The following WDPCP variants were observed in gnomAD, a reference collection of about 807,000 sequenced individuals.
The protein encoded by WDPCP is WD repeat-containing and planar cell polarity effector protein fritz homolog.
Under a neutral mutation model 93.1 loss-of-function variants are expected in WDPCP, and 71 were observed. That is an observed-to-expected ratio of 0.76 (90% CI 0.63 to 0.93). WDPCP has a LOEUF of 0.93. Among genes scored for constraint, WDPCP ranks in the 40% least tolerant of loss-of-function variants. The pLI is 0.00. For missense variants in WDPCP, 844 were observed against 887.4 expected (o/e 0.95, Z 0.62); for synonymous variants, 315 against 315.0 (o/e 1.00, Z 0.00).
chr2:63,652,435 T>C (rs936012921), intron 2 of WDPCP, among the ~76,000 whole-genome samples: 6 of 152,262 alleles, frequency 3.9e-5, no homozygotes, highest in Non-Finnish European at 8.8e-5. Flanking sequence ...GGTGTGTTTT[T>C]ATTTGAGAAG....
At chr2:63,176,319 C>T (rs1187101076) in intron 14 of WDPCP, among the ~76,000 whole-genome samples, 1 of 152,050 alleles carries the variant, frequency 6.6e-6, no homozygotes, top group Non-Finnish European at 1.5e-5. Flanking sequence ...AATCATGGCT[C>T]ACTAAAGTCT....
chr2:63,590,402 G>T (rs1221962824), upstream of WDPCP: 1 of 152,000 alleles, frequency 6.6e-6, no homozygotes, highest in Non-Finnish European at 1.5e-5. Flanking sequence ...TATTTTTATA[G>T]GGACCACCGC....
intron 3 of WDPCP, among the ~76,000 whole-genome samples, chr2:63,603,652 T>C (rs1490917722): frequency 1.4e-5 from 2 of 142,824 alleles, no homozygotes; most frequent in Admixed American, 7.5e-5. Flanking sequence ...TACCAAGACA[T>C]TTCTTTTTTT....
chr2:63,653,740 G>T (rs1009360818), intron 2 of WDPCP, among the ~76,000 whole-genome samples: 1 of 152,006 alleles, frequency 6.6e-6, no homozygotes, highest in South Asian at 2.1e-4. Flanking sequence ...GCGAAACCCC[G>T]TCTCTACTAA....
At chr2:63,302,409 A>G (rs1475284093) in intron 13 of WDPCP, among the ~76,000 whole-genome samples, 1 of 152,230 alleles carries the variant, frequency 6.6e-6, no homozygotes, top group East Asian at 1.9e-4. Context: ...ATCTTAATTG[A>G]AACTACCAGA....
intron 12 of WDPCP, among the ~76,000 whole-genome samples, chr2:63,358,309 G>GTT (rs557575967): frequency 1.4e-5 from 2 of 147,814 alleles, no homozygotes; most frequent in African/African-American, 2.5e-5. Context: ...CTATATTCCT[G>GTT]TTTTTTTTTT....
intron 1 of WDPCP, among the ~76,000 whole-genome samples, chr2:63,530,357 T>C (rs1703731241): frequency 6.6e-6 from 1 of 152,248 alleles, no homozygotes; most frequent in Non-Finnish European, 1.5e-5. Flanking sequence ...AATTTCCTGC[T>C]ACACACTGCT....
chr2:63,379,341 T>C (rs1692113669), intron 11 of WDPCP, among the ~76,000 whole-genome samples: 1 of 152,158 alleles, frequency 6.6e-6, no homozygotes, highest in South Asian at 2.1e-4. Context: ...AATTCCTTAT[T>C]TAGCAAAACT....
intron 12 of WDPCP, among the ~76,000 whole-genome samples, chr2:63,333,072 C>A (rs966756954): frequency 6.6e-6 from 1 of 151,804 alleles, no homozygotes; most frequent in African/African-American, 2.4e-5. Flanking sequence ...TTTTTTTGGC[C>A]CACACAGATA....
chr2:63,691,452 C>A (rs761964953), intron 2 of WDPCP, among the ~76,000 whole-genome samples: 1 of 151,992 alleles, frequency 6.6e-6, no homozygotes, highest in Non-Finnish European at 1.5e-5. Flanking sequence ...CTGGCCAACA[C>A]GTTGAAACCC....
intron 1 of WDPCP, among the ~76,000 whole-genome samples, chr2:63,561,940 A>G (rs1434138603): frequency 2.6e-5 from 4 of 152,232 alleles, no homozygotes; most frequent in Non-Finnish European, 5.9e-5. Flanking sequence ...TATTGGTTCA[A>G]CCACTGTGAA....
intron 14 of WDPCP, among the ~76,000 whole-genome samples, chr2:63,243,376 TA>T: frequency 6.6e-6 from 1 of 152,296 alleles, no homozygotes; most frequent in Admixed American, 6.5e-5. Context: ...TTAATTGGGT[TA>T]TTTTTTTCTT....
chr2:63,267,663 A>G (rs960809080), intron 13 of WDPCP, among the ~76,000 whole-genome samples: 2 of 152,210 alleles, frequency 1.3e-5, no homozygotes, highest in African/African-American at 2.4e-5. Flanking sequence ...AAAGCTGGTA[A>G]AAGTATCTGA....
chr2:63,507,403 T>C lies in WDPCP; in HGVS notation c.76-14463A>G, dbSNP rs10181287. Among the ~76,000 whole-genome samples, 192 of 152,160 alleles carry C rather than the reference T, an allele frequency of 1.3e-3. 1 individual carries two copies. Among genetic ancestry groups the C allele is most frequent in the Middle Eastern group, 0.01 (3 of 294 alleles). On this transcript the variant is annotated intron_variant, in intron 1 of 17. Coordinates refer to ENST00000272321, the MANE Select transcript of WDPCP (RefSeq NM_015910.7). ...ACCTATAATTCTATATCTAGCCAAATTGTCACTTGAGTGTGAGGTTAGAAA... is the reference window on the plus strand; with the variant it reads ...ACCTATAATTCTATATCTAGCCAAACTGTCACTTGAGTGTGAGGTTAGAAA...
chr2:63,293,247 A>G (rs1351037569), intron 13 of WDPCP, among the ~76,000 whole-genome samples: 1 of 152,200 alleles, frequency 6.6e-6, no homozygotes, highest in African/African-American at 2.4e-5. Context: ...ATATATGGGG[A>G]AAATTAGAAA....
At chr2:63,487,269 T>C (rs1453224488) in intron 3 of WDPCP, among the ~76,000 whole-genome samples, 178 bp downstream of exon 3, 1 of 152,044 alleles carries the variant, frequency 6.6e-6, no homozygotes, top group Non-Finnish European at 1.5e-5. Context: ...GATACTACTT[T>C]ATTTTATATA....
intron 2 of WDPCP, among the ~76,000 whole-genome samples, chr2:63,672,978 C>G (rs1377191178): frequency 6.6e-6 from 1 of 152,056 alleles, no homozygotes; most frequent in African/African-American, 2.4e-5. Flanking sequence ...GTCTCTGACT[C>G]CTGGGCTCAA....
intron 15 of WDPCP, among the ~76,000 whole-genome samples, chr2:63,166,406 T>C (rs1672982454): frequency 6.6e-6 from 1 of 150,540 alleles, no homozygotes. Context: ...TATATATTTA[T>C]GGGGTACATG....
chr2:63,330,825 G>T, intron 12 of WDPCP, among the ~76,000 whole-genome samples: 1 of 144,202 alleles, frequency 6.9e-6, no homozygotes, highest in African/African-American at 2.6e-5. Context: ...GGTATATTGT[G>T]TGTTTCATCC....
Sources: gnomAD v4.1 joint callset for allele counts (sites outside exome capture counted in the v4.1 genomes callset) on GRCh38, gnomAD v4.1.1 for gene constraint, MANE v1.5 for transcripts, NCBI Gene and HGNC (gene_info 2026-07-23, HGNC 2026-07-21) for gene names.